The following TMEM17 variants were observed in gnomAD, a reference collection of about 807,000 sequenced individuals.
TMEM17 encodes the protein transmembrane protein 17.
Under a neutral mutation model 19.1 loss-of-function variants are expected in TMEM17, and 15 were observed. The observed-to-expected ratio is 0.78, with a 90% CI of 0.52 to 1.21. The LOEUF (loss-of-function observed/expected upper bound fraction) is 1.21. Ranked by LOEUF, TMEM17 falls within the 50% of genes most tolerant of loss-of-function variation. TMEM17 has a pLI of 0.00. For missense variants in TMEM17, 245 were observed against 242.3 expected (o/e 1.01, Z -0.07); for synonymous variants, 103 against 86.9 (o/e 1.19, Z -1.03).
the TMEM17 span, chr2:62,463,767 A>G: frequency 6.6e-6 from 1 of 152,096 alleles, no homozygotes; most frequent in African/African-American, 2.4e-5. Flanking sequence ...CTGTTTTCCC[A>G]CTCAAATGTT....
At chr2:62,467,215 C>A in the TMEM17 span, among the ~76,000 whole-genome samples, 2 of 151,754 alleles carry the variant, frequency 1.3e-5, no homozygotes, top group Admixed American at 6.6e-5. Context: ...CGCCTCCCCA[C>A]CCCTGCACCT....
the TMEM17 span, chr2:62,491,090 A>AAAC: frequency 1.3e-5 from 2 of 150,634 alleles, no homozygotes; most frequent in East Asian, 3.9e-4. Context: ...AAAAAAAAAA[A>AAAC]AAAAAAAAAA....
the TMEM17 span, chr2:62,463,358 G>C: frequency 6.6e-6 from 1 of 152,224 alleles, no homozygotes; most frequent in South Asian, 2.1e-4. Flanking sequence ...TGTCTATAAA[G>C]TGGGGAAAAC....
At chr2:62,505,932 A>G in intron 1 of TMEM17, 98 bp downstream of exon 1, 1 of 1,145,326 alleles carries the variant, frequency 8.7e-7, no homozygotes, top group Admixed American at 2.2e-5. Context: ...GCTGAAGGCG[A>G]CATCGCCATT....
the TMEM17 span, among the ~76,000 whole-genome samples, chr2:62,475,119 A>G: frequency 6.6e-6 from 1 of 152,170 alleles, no homozygotes; most frequent in Non-Finnish European, 1.5e-5. Flanking sequence ...CTGCAGGAGA[A>G]GCTCCAGGAG....
downstream of TMEM17, among the ~76,000 whole-genome samples, chr2:62,497,908 CA>C (rs1476408099): frequency 1.3e-5 from 2 of 152,206 alleles, no homozygotes; most frequent in African/African-American, 4.8e-5. Context: ...GAAACTCATT[CA>C]ACACACTTCC....
the TMEM17 span, among the ~76,000 whole-genome samples, chr2:62,468,589 A>G: frequency 6.6e-6 from 1 of 152,126 alleles, no homozygotes; most frequent in African/African-American, 2.4e-5. Context: ...GTGTTGGGGG[A>G]GAGGGTTGTC....
the TMEM17 span, among the ~76,000 whole-genome samples, chr2:62,495,117 T>C: frequency 6.6e-6 from 1 of 152,254 alleles, no homozygotes; most frequent in African/African-American, 2.4e-5. Flanking sequence ...TCTTACTAGA[T>C]TAAAAAGCTC....
the TMEM17 span, among the ~76,000 whole-genome samples, chr2:62,487,467 C>T: frequency 6.6e-6 from 1 of 152,184 alleles, no homozygotes; most frequent in Non-Finnish European, 1.5e-5. Context: ...AACCTATTCA[C>T]AGTTTCTAGG....
chr2:62,494,178 G>A, the TMEM17 span, among the ~76,000 whole-genome samples: 1 of 152,164 alleles, frequency 6.6e-6, no homozygotes, highest in Admixed American at 6.5e-5. Context: ...ATGACATATT[G>A]TTGTAGCTAA....
At chr2:62,465,264 T>C in the TMEM17 span, among the ~76,000 whole-genome samples, 1 of 152,248 alleles carries the variant, frequency 6.6e-6, no homozygotes, top group Non-Finnish European at 1.5e-5. Context: ...GCCTCAGTTA[T>C]AATTTTGCAA....
chr2:62,467,265 C>T, the TMEM17 span, among the ~76,000 whole-genome samples: 2 of 151,876 alleles, frequency 1.3e-5, no homozygotes, highest in African/African-American at 4.8e-5. Context: ...ACATTCCCTG[C>T]CCATGATTGC....
chr2:62,467,961 C>T, the TMEM17 span, among the ~76,000 whole-genome samples: 13 of 150,970 alleles, frequency 8.6e-5, no homozygotes, highest in Admixed American at 5.3e-4. Context: ...GGACTCAGGA[C>T]GTCTTTCAGA....
At chr2:62,490,906 G>A in the TMEM17 span, among the ~76,000 whole-genome samples, 1 of 151,808 alleles carries the variant, frequency 6.6e-6, no homozygotes, top group South Asian at 2.1e-4. Context: ...GTGAGACCCT[G>A]TCTCTACTAA....
the TMEM17 span, among the ~76,000 whole-genome samples, chr2:62,466,162 A>G: frequency 6.6e-6 from 1 of 152,102 alleles, no homozygotes; most frequent in African/African-American, 2.4e-5. Context: ...GTTTTCTAGG[A>G]GTTTGGAATG....
At chr2:62,493,388 G>C in the TMEM17 span, among the ~76,000 whole-genome samples, 4 of 152,274 alleles carry the variant, frequency 2.6e-5, no homozygotes, top group East Asian at 7.7e-4. Flanking sequence ...TTTGGTTTTA[G>C]ATTTCCTGAT....
chr2:62,488,666 A>G, the TMEM17 span, among the ~76,000 whole-genome samples: 2 of 152,136 alleles, frequency 1.3e-5, no homozygotes, highest in South Asian at 2.1e-4. Context: ...AAGCTTAGGA[A>G]TTGGATCTTG....
the TMEM17 span, among the ~76,000 whole-genome samples, chr2:62,483,362 C>A: frequency 6.6e-6 from 1 of 152,198 alleles, no homozygotes; most frequent in South Asian, 2.1e-4. Flanking sequence ...AGGTCAAGAG[C>A]GAAGGCTTTG....
chr2:62,496,881 T>G (rs1679791337), downstream of TMEM17, among the ~76,000 whole-genome samples: 1 of 152,216 alleles, frequency 6.6e-6, no homozygotes, highest in South Asian at 2.1e-4. Context: ...AATGATCACT[T>G]GAGGCTAGGA....
Sources: allele counts gnomAD v4.1 joint callset (sites outside exome capture counted in the v4.1 genomes callset), GRCh38; gene constraint gnomAD v4.1.1; transcripts MANE v1.5; gene names NCBI Gene and HGNC (gene_info 2026-07-23, HGNC 2026-07-21).